TRAPPC9: variants seen among roughly 807,000 people sequenced by gnomAD.
TRAPPC9 encodes the protein trafficking protein particle complex subunit 9.
TRAPPC9 carries 83 observed loss-of-function variants against 124.0 expected under a neutral mutation model. The ratio of observed to expected loss-of-function variants is 0.67; its 90% CI spans 0.56 to 0.80. The LOEUF (loss-of-function observed/expected upper bound fraction) is 0.80, where lower values mean the gene tolerates loss of function less well. TRAPPC9 is among the 30% of genes least tolerant of loss of function. TRAPPC9 has a pLI of 0.00. For synonymous variants in TRAPPC9, 638 were observed against 617.5 expected (o/e 1.03, Z -0.49); for missense variants, 1,302 against 1,508.3 (o/e 0.86, Z 2.27).
At chr8:140,327,232 G>A (rs192693034) in intron 9 of TRAPPC9, among the ~76,000 whole-genome samples, 27 of 152,106 alleles carry the variant, frequency 1.8e-4, no homozygotes, top group Non-Finnish European at 2.9e-4. Context: ...CAGCCTGGGC[G>A]ACAGGACATC....
At chr8:139,987,639 T>C (rs1837325786) in intron 19 of TRAPPC9, among the ~76,000 whole-genome samples, 1 of 152,232 alleles carries the variant, frequency 6.6e-6, no homozygotes, top group African/African-American at 2.4e-5. Context: ...TCTGTATGTT[T>C]GAAGTCTTCA....
chr8:139,963,875 T>A (rs996203875), intron 19 of TRAPPC9, among the ~76,000 whole-genome samples: 1 of 151,858 alleles, frequency 6.6e-6, no homozygotes, highest in Admixed American at 6.6e-5. Flanking sequence ...TGATAGGGCA[T>A]GATTAGTAAA....
At chr8:139,877,815 A>C (rs546374225) in intron 21 of TRAPPC9, among the ~76,000 whole-genome samples, 1 of 152,250 alleles carries the variant, frequency 6.6e-6, no homozygotes, top group African/African-American at 2.4e-5. Flanking sequence ...AAGTATCTTC[A>C]CTTTACAAGA....
At chr8:140,280,497 C>T (rs1383275804) in intron 14 of TRAPPC9, among the ~76,000 whole-genome samples, 1 of 152,198 alleles carries the variant, frequency 6.6e-6, no homozygotes, top group Middle Eastern at 3.4e-3. Context: ...GTCGCGATCT[C>T]GGCTCACTGC....
chr8:139,877,431 C>T (rs564730127), intron 21 of TRAPPC9, among the ~76,000 whole-genome samples: 113 of 152,322 alleles, frequency 7.4e-4, no homozygotes, highest in African/African-American at 2.7e-3. Context: ...AGGATGGGAG[C>T]AGCACACCCT....
chr8:140,274,751 C>T (rs572065912), intron 15 of TRAPPC9, among the ~76,000 whole-genome samples: 1 of 152,282 alleles, frequency 6.6e-6, no homozygotes, highest in South Asian at 2.1e-4. Flanking sequence ...TGGTTTGTCG[C>T]ATTATAATGT....
chr8:140,039,524 C>T (rs1180947356), intron 17 of TRAPPC9, among the ~76,000 whole-genome samples: 4 of 152,174 alleles, frequency 2.6e-5, no homozygotes, highest in Non-Finnish European at 4.4e-5. Context: ...TTAATGTGCA[C>T]AACAAATAAA....
chr8:140,458,211 C>A (rs190864435), upstream of TRAPPC9: 107 of 1,550,330 alleles, frequency 6.9e-5, 1 homozygote, highest in African/African-American at 1.2e-3. Flanking sequence ...AGAACAGAGA[C>A]TAGGAGGAAA....
intron 21 of TRAPPC9, among the ~76,000 whole-genome samples, chr8:139,783,876 T>C (rs1199259080): frequency 1.3e-5 from 2 of 151,978 alleles, no homozygotes; most frequent in African/African-American, 2.4e-5. Context: ...TATTAACAAA[T>C]AAAAAAAGAG....
At chr8:140,079,166 A>T (rs1843672887) in intron 17 of TRAPPC9, among the ~76,000 whole-genome samples, 1 of 152,074 alleles carries the variant, frequency 6.6e-6, no homozygotes, top group Non-Finnish European at 1.5e-5. Flanking sequence ...TTCCTCATTC[A>T]CCTTCTGCCA....
At chr8:140,083,106 T>C (rs901670862) in intron 17 of TRAPPC9, among the ~76,000 whole-genome samples, 9 of 152,020 alleles carry the variant, frequency 5.9e-5, no homozygotes, top group Non-Finnish European at 8.8e-5. Flanking sequence ...AGCAGGAGAA[T>C]CGCTTGAACC....
At chr8:139,929,002 G>A (rs746165203) in intron 19 of TRAPPC9, among the ~76,000 whole-genome samples, 25 of 152,036 alleles carry the variant, frequency 1.6e-4, no homozygotes, top group African/African-American at 2.4e-4. Flanking sequence ...GCGTGGGCGC[G>A]GGAGGGTGCC....
At chr8:139,747,722 T>G (rs1343060482) in intron 21 of TRAPPC9, among the ~76,000 whole-genome samples, 4 of 21,610 alleles carry the variant, frequency 1.9e-4, no homozygotes, top group Admixed American at 5.9e-4. Context: ...TCAGAGCAGG[T>G]GGGAGGTGTG....
chr8:140,186,874 CT>C (rs903260445), intron 17 of TRAPPC9, among the ~76,000 whole-genome samples: 1 of 151,816 alleles, frequency 6.6e-6, no homozygotes, highest in Non-Finnish European at 1.5e-5. Context: ...AAATCTTTCC[CT>C]TTTTTTTGAA....
intron 17 of TRAPPC9, among the ~76,000 whole-genome samples, chr8:140,026,717 A>AT (rs1339392804): frequency 6.6e-6 from 1 of 152,178 alleles, no homozygotes. Flanking sequence ...TCCTATAGGT[A>AT]TATTTCATGA....
At chr8:139,750,821 C>T (rs991048732) in intron 21 of TRAPPC9, among the ~76,000 whole-genome samples, 14 of 152,222 alleles carry the variant, frequency 9.2e-5, no homozygotes, top group Admixed American at 6.5e-4. Flanking sequence ...ACACTCTCAA[C>T]TGCTTCCATC....
chr8:139,846,399 C>G (rs377503412), intron 21 of TRAPPC9, among the ~76,000 whole-genome samples: 1 of 152,204 alleles, frequency 6.6e-6, no homozygotes, highest in African/African-American at 2.4e-5. Context: ...ACGACCAGGC[C>G]CCACCAGTTG....
At chr8:140,020,284 G>A (rs1182790171) in intron 18 of TRAPPC9, among the ~76,000 whole-genome samples, 1 of 152,034 alleles carries the variant, frequency 6.6e-6, no homozygotes, top group African/African-American at 2.4e-5. Flanking sequence ...GGTACATTTT[G>A]CTATCCTTAT....
At position 139,827,230 on chromosome 8, in the gene TRAPPC9, C is replaced by T. The variant is rs540545079; in HGVS notation, c.3055+58649G>A. 1.0e-3 allele frequency among the ~76,000 whole-genome samples: 155 copies of T among 152,338 alleles called. 1 individual carries two copies. The highest frequency in any genetic ancestry group is 3.5e-3 in the African/African-American group (147 of 41,582). Reference sequence around the variant, plus strand: ...AGGGCCTCGCGGCTCAGGGTAGTGGCTCCCTGTGCCTGAGGAGGACAGGCA... The same window carrying T: ...AGGGCCTCGCGGCTCAGGGTAGTGGTTCCCTGTGCCTGAGGAGGACAGGCA... On this transcript the variant is annotated intron_variant, in intron 21 of 22. Transcript: ENST00000438773.
Sources: allele counts gnomAD v4.1 joint callset (sites outside exome capture counted in the v4.1 genomes callset), GRCh38; gene constraint gnomAD v4.1.1; transcripts MANE v1.5; gene names NCBI Gene and HGNC (gene_info 2026-07-23, HGNC 2026-07-21).